CKM: variants seen among roughly 807,000 people sequenced by gnomAD.
CKM encodes creatine kinase, M-type.
A neutral mutation model predicts 35.4 loss-of-function variants in CKM; 28 were observed. The observed-to-expected ratio is 0.79, with a 90% CI of 0.59 to 1.08. The LOEUF (loss-of-function observed/expected upper bound fraction) is 1.08, where lower values mean the gene tolerates loss of function less well. CKM is among the 50% of genes least tolerant of loss of function. The probability of loss-of-function intolerance (pLI) is 0.00; values close to 1 mark genes in which losing one functional copy is unlikely to be tolerated. For missense variants in CKM, 484 were observed against 509.8 expected (o/e 0.95, Z 0.49); for synonymous variants, 215 against 204.4 (o/e 1.05, Z -0.44).
intron 3 of CKM, among the ~76,000 whole-genome samples, chr19:45,316,329 C>CAAA (rs57770481): frequency 2.2e-3 from 269 of 121,028 alleles, no homozygotes; most frequent in Middle Eastern, 0.01. Flanking sequence ...GATTCTGTCT[C>CAAA]AAAAAAAAAA....
intron 4 of CKM, among the ~76,000 whole-genome samples, chr19:45,312,133 C>T (rs1039729516): frequency 5.9e-5 from 9 of 152,220 alleles, no homozygotes; most frequent in African/African-American, 2.2e-4. Context: ...GAATGGCCAC[C>T]CCATGTGCTC....
Position 45,315,551 on chromosome 19 carries a change from C to T in CKM, c.395G>A (p.Arg132His), listed in dbSNP as rs147574145. 277 of 1,603,340 alleles carry T rather than the reference C, an allele frequency of 1.7e-4. No individual in the cohort carries two copies. The highest frequency in any genetic ancestry group is 2.2e-4 in the Non-Finnish European group (259 of 1,179,932). The change falls in exon 4 of 8, where the codon CGC becomes CAC. Residue 132 changes from arginine (R) to histidine (H), a missense_variant. Arg to His is a conservative substitution (Grantham distance 29). Transcript: ENST00000221476. ...DPNYVLSSRV[R>H]TGRSIKGYTL... The stretch of plus-strand genomic sequence containing the variant: ...GTAGCCCTTGATGCTGCGGCCAGTG[C>T]GGACGCGGCTGCTGAGCACGTAGTT...
In CKM at chr19:45,319,655, T is replaced by A. The variant is rs758846798; in HGVS notation, c.59A>T (p.Tyr20Phe). Residue 20 changes from tyrosine (Y) to phenylalanine (F), a missense_variant, in exon 2 of 8, where the codon TAC (tyrosine) becomes TTC (phenylalanine). By Grantham distance (22) the Tyr-to-Phe change is conservative. Transcript: ENST00000221476. ...FKLNYKPEEE[Y>F]PDLSKHNNHM... Reference sequence around the variant, plus strand: ...GTTGTTATGTTTGCTGAGGTCGGGGTACTCCTCCTCAGGCTTGTAATTCAG... The same window carrying A: ...GTTGTTATGTTTGCTGAGGTCGGGGAACTCCTCCTCAGGCTTGTAATTCAG... The A allele has an allele frequency of 5.0e-6, 8 of 1,614,114 alleles. No homozygotes were observed. The African/African-American group carries it at 9.3e-5, about 19-fold the overall frequency.
Position 45,311,738 on chromosome 19 carries a change from A to T in CKM, c.653+11T>A. On this transcript the variant is annotated intron_variant, in intron 5 of 7. Transcript: ENST00000221476. ...GGGAAGAGGAAGCCAGGGGGCGGGGAGGGGCCTCACCAGATGCCACGGGCG... is the reference window on the plus strand; with the variant it reads ...GGGAAGAGGAAGCCAGGGGGCGGGGTGGGGCCTCACCAGATGCCACGGGCG... 1.9e-6 allele frequency: 3 copies of T among 1,561,016 alleles called. No homozygotes were observed. The highest frequency in any genetic ancestry group is 2.6e-6 in the Non-Finnish European group (3 of 1,155,620).
rs935566989 is a variant in CKM at position 45,308,459 on chromosome 19, C to G, written c.727G>C (p.Gly243Arg). 1.9e-6 allele frequency: 3 copies of G among 1,614,170 alleles called. No individual in the cohort carries two copies. Among genetic ancestry groups the G allele is most frequent in the Non-Finnish European group, 2.5e-6 (3 of 1,180,008 alleles). ...CGGAAAACCTCCTTCATGTTGCCCC[C>G]CTTCTCCATGGAGATGACCCGGAGG... ...DHLRVISMEK[G>R]GNMKEVFRRF... The change falls in exon 6 of 8, where the codon GGG (glycine) becomes CGG (arginine). Residue 243 changes from glycine (G) to arginine (R), a missense_variant. Coordinates refer to ENST00000221476, the MANE Select transcript of CKM (RefSeq NM_001824.5).
intron 3 of CKM, among the ~76,000 whole-genome samples, 186 bp downstream of exon 3, chr19:45,317,639 C>A (rs1971171399): frequency 6.6e-6 from 1 of 150,800 alleles, no homozygotes; most frequent in African/African-American, 2.4e-5. Flanking sequence ...CCAGGCTGGT[C>A]TTGAACTCCT....
At chr19:45,319,428 C>CA (rs1339451954) in intron 2 of CKM, 93 bp downstream of exon 2, 1 of 983,986 alleles carries the variant, frequency 1.0e-6, no homozygotes, top group Non-Finnish European at 1.6e-6. Flanking sequence ...AAACTGAGGC[C>CA]CCCCCCCCTT....
Position 45,308,474 on chromosome 19 carries a change from T to TG in CKM, c.711dup (p.Ile238HisfsTer24). 6.2e-7 allele frequency: 1 copy of TG among 1,614,072 alleles called. No homozygotes were observed. On this transcript the variant is annotated frameshift_variant, in exon 6 of 8. Coordinates refer to ENST00000221476, the MANE Select transcript of CKM (RefSeq NM_001824.5). LOFTEE classifies it high-confidence loss of function. ...ATGTTGCCCCCCTTCTCCATGGAGA[T>TG]GACCCGGAGGTGATCCTCCTCGTTC... is the stretch of plus-strand genomic sequence containing the variant.
intron 4 of CKM, among the ~76,000 whole-genome samples, chr19:45,314,902 G>C (rs554707128): frequency 3.2e-4 from 49 of 151,992 alleles, no homozygotes; most frequent in African/African-American, 1.1e-3. Flanking sequence ...TGTAGAGACA[G>C]GGTCTTGCTG....
chr19:45,315,555 CGCGGCT>C lies in CKM; in HGVS notation c.385_390del (p.Ser129_Arg130del). On this transcript the variant is annotated inframe_deletion, in exon 4 of 8. Transcript: ENST00000221476. ...CCCTTGATGCTGCGGCCAGTGCGGA[CGCGGCT>C]GCTGAGCACGTAGTTAGGGTCCAGG... 6.2e-7 allele frequency: 1 copy of C among 1,603,594 alleles called. No homozygotes were observed. The highest frequency in any genetic ancestry group is 8.5e-7 in the Non-Finnish European group (1 of 1,179,942).
chr19:45,316,502 G>A (rs1331722134), intron 3 of CKM, among the ~76,000 whole-genome samples: 1 of 150,858 alleles, frequency 6.6e-6, no homozygotes, highest in African/African-American at 2.4e-5. Context: ...TTTGGGCAGA[G>A]ACGGGTTCTT....
In CKM at chr19:45,306,495, A is replaced by G. The variant is rs1008974827; in HGVS notation, c.*255T>C. 6 of 550,290 alleles carry G rather than the reference A, an allele frequency of 1.1e-5. No individual in the cohort carries two copies. In the African/African-American group the frequency reaches 1.1e-4, roughly 10 times the overall value. 34.1% of individuals were successfully genotyped at this position (550,290 alleles called of 1,614,324 possible). ...GTGTGCTGGGAGCTCTCCATTAACTAGAGCTCCTGGTTGGGGTGGAGCTCT... is the reference window on the plus strand; with the variant it reads ...GTGTGCTGGGAGCTCTCCATTAACTGGAGCTCCTGGTTGGGGTGGAGCTCT... On this transcript the variant is annotated 3_prime_UTR_variant, in exon 8 of 8. Coordinates refer to ENST00000221476, the MANE Select transcript of CKM (RefSeq NM_001824.5). The surrounding 1 kb of genome is among the most constrained non-coding windows in gnomAD (Gnocchi z 4.5).
intron 6 of CKM, among the ~76,000 whole-genome samples, chr19:45,307,884 T>C (rs74544161): frequency 2.0e-4 from 29 of 146,584 alleles, no homozygotes; most frequent in East Asian, 1.4e-3. Context: ...TTTTTTTTTT[T>C]CCAGAGTCTC....
At chr19:45,310,804 C>CGCT (rs1971101596) in intron 5 of CKM, among the ~76,000 whole-genome samples, 1 of 113,754 alleles carries the variant, frequency 8.8e-6, no homozygotes, top group Non-Finnish European at 1.7e-5. Context: ...GACGGAGTCT[C>CGCT]CTGTCGCCCA....
intron 3 of CKM, among the ~76,000 whole-genome samples, chr19:45,317,282 T>A (rs12971433): frequency 0.49 from 74,802 of 151,594 alleles, 20,787 homozygotes; most frequent in Non-Finnish European, 0.63. Context: ...TAATTTATTT[T>A]ATTTATTTAT....
In CKM at chr19:45,319,479, G is replaced by A. The variant is rs747183693; in HGVS notation, c.193+42C>T. On this transcript the variant is annotated intron_variant, in intron 2 of 7. Transcript: ENST00000221476. ...TGGGGCATGGCCGGCAGCCTCCAGAGCCCCCATGTAGCCCCTTCAGTGCTC... is the reference window on the plus strand; with the variant it reads ...TGGGGCATGGCCGGCAGCCTCCAGAACCCCCATGTAGCCCCTTCAGTGCTC... 9.2e-5 allele frequency: 142 copies of A among 1,539,338 alleles called. 2 individuals carry two copies. The South Asian group carries it at 1.5e-3, about 16-fold the overall frequency.
intron 4 of CKM, among the ~76,000 whole-genome samples, chr19:45,314,373 C>T (rs151113483): frequency 6.6e-6 from 1 of 151,914 alleles, no homozygotes; most frequent in Non-Finnish European, 1.5e-5. Flanking sequence ...TTTTTCTAGA[C>T]ATAATGCTAT....
At position 45,319,620 on chromosome 19, in the gene CKM, T is replaced by C; in HGVS notation, c.94A>G (p.Lys32Glu). 6.2e-7 allele frequency: 1 copy of C among 1,614,156 alleles called. No individual in the cohort carries two copies. Among genetic ancestry groups the C allele is most frequent in the East Asian group, 2.2e-5 (1 of 44,886 alleles). The change falls in exon 2 of 8, where the codon AAG becomes GAG. Residue 32 changes from lysine to glutamate, a missense_variant. Coordinates refer to ENST00000221476, the MANE Select transcript of CKM (RefSeq NM_001824.5). ...TTGTAGAGTTCAAGGGTCAGTACCT[T>C]GGCCATGTGGTTGTTATGTTTGCTG... ...DLSKHNNHMA[K>E]VLTLELYKKL...
intron 4 of CKM, among the ~76,000 whole-genome samples, chr19:45,314,484 G>A (rs1439433694): frequency 2.0e-5 from 3 of 150,848 alleles, no homozygotes; most frequent in Admixed American, 2.0e-4. Context: ...CGTGATCTCA[G>A]CTCACTGCAA....
Sources: allele counts gnomAD v4.1 joint callset (sites outside exome capture counted in the v4.1 genomes callset), GRCh38; gene constraint gnomAD v4.1.1; non-coding constraint Gnocchi (gnomAD v3.1); transcripts MANE v1.5; gene names NCBI Gene and HGNC (gene_info 2026-07-23, HGNC 2026-07-21).